CDC42: variants seen among roughly 807,000 people sequenced by gnomAD.
CDC42 encodes the protein cell division control protein 42 homolog.
In CDC42, 1 loss-of-function variant was observed where a neutral mutation model predicts 20.8. That is an observed-to-expected ratio of 0.05 (90% CI 0.02 to 0.23). The LOEUF is 0.23. Among genes scored for constraint, CDC42 ranks in the 10% least tolerant of loss-of-function variants. CDC42 has a pLI of 1.00. For missense variants in CDC42, 49 were observed against 227.9 expected (o/e 0.21, Z 5.05); for synonymous variants, 72 against 84.8 (o/e 0.85, Z 0.83).
At chr1:22,079,594 A>AG (rs1004125628) in intron 2 of CDC42, among the ~76,000 whole-genome samples, 2 of 151,936 alleles carry the variant, frequency 1.3e-5, no homozygotes, top group Non-Finnish European at 2.9e-5. Context: ...TTTTTTTTGA[A>AG]GGGGGGAGAA....
chr1:22,087,570 C>T (rs1038984169), intron 5 of CDC42, among the ~76,000 whole-genome samples: 1 of 152,126 alleles, frequency 6.6e-6, no homozygotes, highest in Admixed American at 6.5e-5. Context: ...CATGATATCG[C>T]TGATTCCGTC....
chr1:22,101,336 A>T lies in CDC42; in HGVS notation c.*9819A>T, dbSNP rs1455045711. On this transcript the variant is annotated 3_prime_UTR_variant, in exon 6 of 6. Coordinates refer to ENST00000656825, the MANE Select transcript of CDC42 (RefSeq NM_001791.4). ...TACCTTTTTGGGCCTTGGTTTCCTC[A>T]TCTCAATAAAATGAGTTTCTGTTCC... 3 of 152,192 alleles carry T rather than the reference A, an allele frequency of 2.0e-5. No homozygotes were observed. The highest frequency in any genetic ancestry group is 7.2e-5 in the African/African-American group (3 of 41,444). The allele number at this position is 152,192 out of a possible 1,614,324, so 9.4% of individuals were successfully genotyped here.
intron 1 of CDC42, among the ~76,000 whole-genome samples, chr1:22,077,434 C>T (rs1323067968): frequency 2.0e-5 from 3 of 152,006 alleles, no homozygotes; most frequent in African/African-American, 7.2e-5. Flanking sequence ...TGGCATCTGA[C>T]CAAGAGTTAG....
In CDC42 at chr1:22,061,642, C is replaced by T. The variant is rs1401532799; in HGVS notation, c.-51+8900C>T. 2.2e-5 allele frequency among the ~76,000 whole-genome samples: 3 copies of T among 134,778 alleles called. No individual in the cohort carries two copies. In the Admixed American group the frequency reaches 2.5e-4, roughly 11 times the overall value. The allele number at this position is 134,778 out of a possible 152,430, so 88.4% of individuals were successfully genotyped here. ...CACTGCCACCTCTGCCTCCCGGGTT[C>T]AAGCAATTCTCCTGCCTCACCCTCC... On this transcript the variant is annotated intron_variant, in intron 1 of 5. Transcript: ENST00000656825.
Position 22,067,778 on chromosome 1 carries a change from A to G in CDC42, c.-50-10651A>G, listed in dbSNP as rs535291077. ...CCTCTGGACCTAATCACCTCCCAGC[A>G]GTCTCACCTTCTAACAACGTCACAC... On this transcript the variant is annotated intron_variant, in intron 1 of 5. Transcript: ENST00000656825. Among the ~76,000 whole-genome samples the G allele has an allele frequency of 5.3e-5, 8 of 152,320 alleles. No homozygotes were observed. The South Asian group carries it at 1.7e-3, about 32-fold the overall frequency.
intron 1 of CDC42, among the ~76,000 whole-genome samples, chr1:22,062,434 CTTATT>C (rs1385900327): frequency 6.6e-6 from 1 of 152,136 alleles, no homozygotes; most frequent in African/African-American, 2.4e-5. Context: ...AATGTAGTGA[CTTATT>C]TTATGCTGCA....
chr1:22,071,328 G>A (rs1294160884), intron 1 of CDC42, among the ~76,000 whole-genome samples: 1 of 152,162 alleles, frequency 6.6e-6, no homozygotes, highest in Non-Finnish European at 1.5e-5. Flanking sequence ...ACAGGTGTGA[G>A]CCACCGCACC....
chr1:22,059,472 A>G (rs1292059116), intron 1 of CDC42: 1 of 152,164 alleles, frequency 6.6e-6, no homozygotes, highest in African/African-American at 2.4e-5. Context: ...CTAAAATCAT[A>G]TTTCCAATTT....
intron 1 of CDC42, among the ~76,000 whole-genome samples, chr1:22,058,313 A>G (rs1183765411): frequency 1.3e-5 from 2 of 152,182 alleles, no homozygotes; most frequent in South Asian, 2.1e-4. Flanking sequence ...TTATTTTCCT[A>G]TGGAAGCATA....
intron 1 of CDC42, among the ~76,000 whole-genome samples, chr1:22,064,433 C>T (rs16826352): frequency 5.3e-5 from 8 of 151,552 alleles, no homozygotes; most frequent in African/African-American, 1.7e-4. Flanking sequence ...GCTGGGAGTA[C>T]AGGTGTGCAT....
At chr1:22,064,480 CG>C (rs1195041221) in intron 1 of CDC42, among the ~76,000 whole-genome samples, 3 of 151,392 alleles carry the variant, frequency 2.0e-5, no homozygotes, top group African/African-American at 7.3e-5. Flanking sequence ...TTAGTCGAGA[CG>C]GGTTTTGCCA....
chr1:22,053,667 C>T (rs1016265802), intron 1 of CDC42, among the ~76,000 whole-genome samples: 12 of 152,142 alleles, frequency 7.9e-5, no homozygotes, highest in Non-Finnish European at 2.9e-5. Flanking sequence ...TGAGACTTAA[C>T]TCCTACAAGT....
rs1194102978 is a variant in CDC42, at chr1:22,091,766, T to G, written c.*249T>G. 3.2e-5 allele frequency: 5 copies of G among 154,040 alleles called. No homozygotes were observed. The highest frequency in any genetic ancestry group is 6.3e-5 in the Non-Finnish European group (5 of 79,438). 9.5% of individuals were successfully genotyped at this position (154,040 alleles called of 1,614,324 possible). On this transcript the variant is annotated 3_prime_UTR_variant, in exon 6 of 6. Coordinates refer to ENST00000656825, the MANE Select transcript of CDC42 (RefSeq NM_001791.4). ...ATTAGTACTATTTTTTTTTGTTGTT[T>G]CAAAAAAAAAATTTTTGTGTGTGTG...
chr1:22,054,814 G>T (rs963178175), intron 1 of CDC42, among the ~76,000 whole-genome samples: 41 of 138,962 alleles, frequency 3.0e-4, no homozygotes, highest in African/African-American at 1.1e-3. Flanking sequence ...ATTTTCTTGA[G>T]CTTTCTATTT....
Position 22,100,101 on chromosome 1 carries a change from C to G in CDC42, c.*8584C>G, listed in dbSNP as rs1278094636. On this transcript the variant is annotated 3_prime_UTR_variant, in exon 6 of 6. Transcript: ENST00000656825. The stretch of plus-strand genomic sequence containing the variant: ...GGTTTGTTTGGTGAGAAAGTTGCAC[C>G]TTAGTGAATACCCAAGGTCTGAGGG... Among the ~76,000 whole-genome samples the G allele has an allele frequency of 6.8e-6, 1 of 147,478 alleles. No homozygotes were observed. The highest frequency in any genetic ancestry group is 2.5e-5 in the African/African-American group (1 of 39,790).
In CDC42 at chr1:22,079,008, GA is replaced by G. The variant is rs1645580343; in HGVS notation, c.105+426del. On this transcript the variant is annotated intron_variant, in intron 2 of 5. Transcript: ENST00000656825. ...AGTATGTGTCTCCACTTTTCTTGTG[GA>G]GCTGTTCGCTTAGCAGTAATGGAGC... The G allele has an allele frequency of 2.9e-5, 12 of 410,070 alleles. No individual in the cohort carries two copies. The South Asian group carries it at 3.1e-4, about 11-fold the overall frequency. The allele number at this position is 410,070 out of a possible 1,614,324, so 25.4% of individuals were successfully genotyped here.
At chr1:22,087,000 G>T (rs1214303019) in intron 5 of CDC42, 134 bp downstream of exon 5, 2 of 716,584 alleles carry the variant, frequency 2.8e-6, no homozygotes, top group Non-Finnish European at 4.8e-6. Context: ...GCTTCATATT[G>T]TATGTTCTTT....
In CDC42 at chr1:22,086,323, A is replaced by G. The variant is rs915023731; in HGVS notation, c.179-116A>G. On this transcript the variant is annotated intron_variant, in intron 3 of 5. Coordinates refer to ENST00000656825, the MANE Select transcript of CDC42 (RefSeq NM_001791.4). ...TGCCCACATATTATATTACAAAGCCATACATTTTATTAGATAAGTAAGTTG... is the reference window on the plus strand; with the variant it reads ...TGCCCACATATTATATTACAAAGCCGTACATTTTATTAGATAAGTAAGTTG... The G allele has an allele frequency of 3.5e-5, 23 of 653,348 alleles. No homozygotes were observed. In the Admixed American group the frequency reaches 5.4e-4, roughly 15 times the overall value. The allele number at this position is 653,348 out of a possible 1,614,324, so 40.5% of individuals were successfully genotyped here.
intron 1 of CDC42, among the ~76,000 whole-genome samples, chr1:22,061,850 T>G (rs568123583): frequency 6.7e-5 from 10 of 149,464 alleles, no homozygotes; most frequent in African/African-American, 9.9e-5. Context: ...CGTGAGCCAC[T>G]GCGCCCGGCC....
Sources: gnomAD v4.1 joint callset for allele counts (sites outside exome capture counted in the v4.1 genomes callset) on GRCh38, gnomAD v4.1.1 for gene constraint, MANE v1.5 for transcripts, NCBI Gene and HGNC (gene_info 2026-07-23, HGNC 2026-07-21) for gene names.